CROCC2: variants seen among roughly 807,000 people sequenced by gnomAD.
CROCC2 encodes the protein ciliary rootlet coiled-coil, rootletin family member 2.
In CROCC2, 163 loss-of-function variants were observed where a neutral mutation model predicts 177.6. That is an observed-to-expected ratio of 0.92 (90% CI 0.81 to 1.05). CROCC2 has a LOEUF of 1.05. Ranked by LOEUF, CROCC2 falls within the 50% of genes least tolerant of loss-of-function variation. CROCC2 has a pLI of 0.00. For missense variants in CROCC2, 1,929 were observed against 1,797.8 expected (o/e 1.07, Z -1.32); for synonymous variants, 904 against 787.3 (o/e 1.15, Z -2.48).
chr2:240,909,246 G>A (rs551899277), intron 1 of CROCC2, among the ~76,000 whole-genome samples: 8 of 139,228 alleles, frequency 5.7e-5, no homozygotes, highest in African/African-American at 1.8e-4. Flanking sequence ...TCCACCTGGC[G>A]TGAGCTCTAC....
intron 27 of CROCC2, chr2:240,981,617 A>C (rs1427098276): frequency 6.6e-6 from 1 of 152,148 alleles, no homozygotes; most frequent in Non-Finnish European, 1.5e-5. Context: ...TTTGCAGAAA[A>C]CTTCTGCTTT....
intron 14 of CROCC2, among the ~76,000 whole-genome samples, chr2:240,944,588 G>A (rs1413643226): frequency 6.6e-6 from 1 of 151,580 alleles, no homozygotes; most frequent in Non-Finnish European, 1.5e-5. Flanking sequence ...ATCTGCCATT[G>A]TCTATTAATT....
chr2:240,914,030 C>G (rs374076141), intron 1 of CROCC2, among the ~76,000 whole-genome samples: 32 of 152,360 alleles, frequency 2.1e-4, no homozygotes, highest in African/African-American at 7.0e-4. Flanking sequence ...AGGCAGCAGC[C>G]GCAGCATGGC....
chr2:240,948,186 G>A (rs1308572561), intron 15 of CROCC2, among the ~76,000 whole-genome samples: 1 of 152,150 alleles, frequency 6.6e-6, no homozygotes, highest in Non-Finnish European at 1.5e-5. Flanking sequence ...GACCGGAGAG[G>A]GAGCAGAGTA....
At chr2:240,922,727 G>GGCTACTGACAGCTCTTCCCAAA (rs1360359590) in intron 4 of CROCC2, 82 bp downstream of exon 4, 1 of 496,248 alleles carries the variant, frequency 2.0e-6, no homozygotes, top group East Asian at 3.4e-5. Context: ...TGTGCCTTGG[G>GGCTACTGACAGCTCTTCCCAAA]GCTACTGACA....
rs566916496 is a variant in CROCC2, at chr2:240,931,047, GGC to G, written c.867_868del (p.Gln290AlafsTer42). 2.8e-6 allele frequency: 2 copies of G among 716,726 alleles called. No homozygotes were observed. Among genetic ancestry groups the G allele is most frequent in the South Asian group, 3.0e-5 (2 of 67,596 alleles). The allele number at this position is 716,726 out of a possible 1,614,324, so 44.4% of individuals were successfully genotyped here. On this transcript the variant is annotated frameshift_variant, in exon 7 of 32. Transcript: ENST00000690015. LOFTEE classifies it high-confidence loss of function. Reference sequence around the variant, plus strand: ...GCCAGCAGCACGGCCAGCACCCTGGGGCAGCAGCTTCGGGACAAGGCTGGGGA... The same window carrying G: ...GCCAGCAGCACGGCCAGCACCCTGGGAGCAGCTTCGGGACAAGGCTGGGGA...
intron 14 of CROCC2, among the ~76,000 whole-genome samples, chr2:240,938,640 G>T (rs1172564771): frequency 2.6e-5 from 4 of 152,082 alleles, no homozygotes; most frequent in Non-Finnish European, 5.9e-5. Context: ...AAATTGTTTA[G>T]AATTTATAGA....
rs978852025 is a variant in CROCC2, at chr2:240,949,996, G to A, written c.2652+294G>A. ...GTCTGAAGGATGAGGGCTGGAGGGG[G>A]CCCCACACCCATTAGAGCCGTCCCA... is the stretch of plus-strand genomic sequence containing the variant. On this transcript the variant is annotated intron_variant, in intron 17 of 31. Coordinates refer to ENST00000690015, the MANE Select transcript of CROCC2 (RefSeq NM_001351305.2). The surrounding 1 kb of genome is among the most constrained non-coding windows in gnomAD (Gnocchi z 4.5). Among the ~76,000 whole-genome samples, 1 of 152,202 alleles carries A rather than the reference G, an allele frequency of 6.6e-6. No individual in the cohort carries two copies. Among genetic ancestry groups the A allele is most frequent in the South Asian group, 2.1e-4 (1 of 4,832 alleles).
chr2:240,934,859 A>G, intron 12 of CROCC2, 57 bp from the exon 13 acceptor site: 2 of 1,428,844 alleles, frequency 1.4e-6, no homozygotes, highest in Non-Finnish European at 1.8e-6. Flanking sequence ...TCCCAGCGGC[A>G]ACAGCCCTGC....
chr2:240,964,265 G>C (rs1487884016), intron 21 of CROCC2: 7 of 626,082 alleles, frequency 1.1e-5, no homozygotes, highest in Non-Finnish European at 2.0e-5. Flanking sequence ...ATAGTGGACA[G>C]GGGCCATGCG....
intron 11 of CROCC2, 129 bp from the exon 12 acceptor site, chr2:240,934,202 A>G (rs2059452800): frequency 7.8e-6 from 8 of 1,024,522 alleles, no homozygotes; most frequent in Non-Finnish European, 1.1e-5. Flanking sequence ...CTGGTCCTCC[A>G]GGGACTCCAT....
chr2:240,947,372 T>G (rs2059529885), intron 15 of CROCC2, among the ~76,000 whole-genome samples: 1 of 152,090 alleles, frequency 6.6e-6, no homozygotes, highest in Non-Finnish European at 1.5e-5. Flanking sequence ...GCCAGAGCCC[T>G]CAGCAGCCTG....
chr2:240,927,165 G>T (rs2059400477), intron 5 of CROCC2, among the ~76,000 whole-genome samples: 1 of 152,182 alleles, frequency 6.6e-6, no homozygotes, highest in Non-Finnish European at 1.5e-5. Context: ...CTTCCAGGCT[G>T]CCTGGATTCT....
intron 14 of CROCC2, among the ~76,000 whole-genome samples, chr2:240,935,888 C>T (rs2059466550): frequency 6.6e-6 from 1 of 152,242 alleles, no homozygotes; most frequent in South Asian, 2.1e-4. Flanking sequence ...TTGCTGTTTC[C>T]TCCTCTGTCT....
intron 27 of CROCC2, among the ~76,000 whole-genome samples, chr2:240,969,110 C>G (rs776111770): frequency 4.6e-5 from 7 of 152,240 alleles, no homozygotes; most frequent in African/African-American, 7.2e-5. Flanking sequence ...GGGGCCAGCA[C>G]AGTGCAGAGG....
rs543269382 is a variant in CROCC2 at position 240,972,211 on chromosome 2, T to A, written c.4401+3949T>A. ...AGGAACCCATCAGGGACTTTATGTG[T>A]CCCCATCCAAATATTTCAGGCTCAA... is the stretch of plus-strand genomic sequence containing the variant. On this transcript the variant is annotated intron_variant, in intron 27 of 31. Transcript: ENST00000690015. The surrounding 1 kb of genome is among the most constrained non-coding windows in gnomAD (Gnocchi z 7.1). 3.9e-5 allele frequency among the ~76,000 whole-genome samples: 6 copies of A among 152,270 alleles called. No homozygotes were observed. The highest frequency in any genetic ancestry group is 1.4e-4 in the African/African-American group (6 of 41,556).
chr2:240,948,127 G>T (rs890441458), intron 15 of CROCC2, among the ~76,000 whole-genome samples: 1 of 152,172 alleles, frequency 6.6e-6, no homozygotes, highest in Non-Finnish European at 1.5e-5. Context: ...GAGCACTCAA[G>T]CCTGGGAGTG....
At position 240,949,835 on chromosome 2, in the gene CROCC2, G is replaced by T; in HGVS notation, c.2652+133G>T. Reference sequence around the variant, plus strand: ...AGGCGCCTGGCCAGGGCTGGGCAAGGACCAGCTCACTCTTTATAGTTCACG... The same window carrying T: ...AGGCGCCTGGCCAGGGCTGGGCAAGTACCAGCTCACTCTTTATAGTTCACG... On this transcript the variant is annotated intron_variant, in intron 17 of 31. Transcript: ENST00000690015. The surrounding 1 kb of genome is among the most constrained non-coding windows in gnomAD (Gnocchi z 4.5). The T allele has an allele frequency of 1.1e-6, 1 of 926,418 alleles. No individual in the cohort carries two copies. Among genetic ancestry groups the T allele is most frequent in the South Asian group, 1.8e-5 (1 of 56,506 alleles). The allele number at this position is 926,418 out of a possible 1,614,324, so 57.4% of individuals were successfully genotyped here.
intron 14 of CROCC2, 92 bp from the exon 15 acceptor site, chr2:240,945,968 T>C (rs1036996611): frequency 2.0e-6 from 2 of 1,005,834 alleles, no homozygotes; most frequent in Non-Finnish European, 2.8e-6. Context: ...AAATCACTTC[T>C]TCTGAAGTCC....
Sources: allele counts gnomAD v4.1 joint callset (sites outside exome capture counted in the v4.1 genomes callset), GRCh38; gene constraint gnomAD v4.1.1; non-coding constraint Gnocchi (gnomAD v3.1); transcripts MANE v1.5; gene names NCBI Gene and HGNC (gene_info 2026-07-23, HGNC 2026-07-21).